Variants in SRGAP2 observed in about 807,000 individuals in gnomAD.
SRGAP2 encodes SLIT-ROBO Rho GTPase activating protein 2.
A neutral mutation model predicts 57.2 loss-of-function variants in SRGAP2; 15 were observed. The observed-to-expected ratio is 0.26, with a 90% CI of 0.18 to 0.40. The LOEUF is 0.40. SRGAP2 is among the 10% of genes least tolerant of loss of function. The pLI, the probability that SRGAP2 is intolerant of heterozygous loss-of-function variation, is 1.00. For synonymous variants in SRGAP2, 249 were observed against 248.0 expected, an observed-to-expected ratio of 1.00 and a Z score of -0.04; for missense variants, 520 against 669.6, an observed-to-expected ratio of 0.78 and a Z score of 2.47.
chr1:206,267,099 G>C (rs1571721183), intron 2 of SRGAP2, among the ~76,000 whole-genome samples: 1 of 151,104 alleles, frequency 6.6e-6, no homozygotes, highest in East Asian at 2.0e-4. Flanking sequence ...CTCCCAAGTA[G>C]CTGGGACTAC....
At chr1:206,353,874 A>C (rs1454619435) in intron 4 of SRGAP2, among the ~76,000 whole-genome samples, 1 of 141,598 alleles carries the variant, frequency 7.1e-6, no homozygotes, top group Non-Finnish European at 1.5e-5. Flanking sequence ...ATCATAGCTC[A>C]CCGTACCCTC....
chr1:206,220,719 C>T (rs1666930775), intron 2 of SRGAP2, among the ~76,000 whole-genome samples: 1 of 152,138 alleles, frequency 6.6e-6, no homozygotes, highest in Non-Finnish European at 1.5e-5. Flanking sequence ...GCTGCTGTGG[C>T]CACACCCTCT....
At chr1:206,263,518 A>G (rs1321807995) in intron 2 of SRGAP2, among the ~76,000 whole-genome samples, 4 of 152,282 alleles carry the variant, frequency 2.6e-5, no homozygotes, top group South Asian at 4.2e-4. Context: ...ACAATGATGG[A>G]CAGATTGCCC....
intron 2 of SRGAP2, among the ~76,000 whole-genome samples, chr1:206,279,634 G>A (rs1670617370): frequency 1.4e-5 from 2 of 139,872 alleles, no homozygotes; most frequent in African/African-American, 5.6e-5. Context: ...GCCCAGGCTG[G>A]TCTCGAACCC....
chr1:206,414,758 CT>C (rs1428862100), intron 10 of SRGAP2, among the ~76,000 whole-genome samples: 1 of 152,208 alleles, frequency 6.6e-6, no homozygotes, highest in Non-Finnish European at 1.5e-5. Context: ...CTCCCCTCCC[CT>C]GAGATAATCT....
chr1:206,412,666 A>T lies in SRGAP2; in HGVS notation c.1357-3223A>T, dbSNP rs184952928. Among the ~76,000 whole-genome samples the T allele has an allele frequency of 1.7e-3, 261 of 152,330 alleles. 1 individual carries two copies. Among genetic ancestry groups the T allele is most frequent in the African/African-American group, 5.8e-3 (240 of 41,562 alleles). The stretch of plus-strand genomic sequence containing the variant: ...CCCGTGATCTCCAGAAGTCATTAAA[A>T]GCCACCTATTCTTCCCTTGCATTCT... On this transcript the variant is annotated intron_variant, in intron 10 of 22. Transcript: ENST00000573034.
At chr1:206,460,226 T>C (rs1470021342) in intron 22 of SRGAP2, among the ~76,000 whole-genome samples, 3 of 151,966 alleles carry the variant, frequency 2.0e-5, no homozygotes, top group Admixed American at 6.6e-5. Flanking sequence ...CAGACACAGG[T>C]TTATGGGGAG....
chr1:206,429,580 A>T (rs1406672543), intron 13 of SRGAP2, among the ~76,000 whole-genome samples: 1 of 152,252 alleles, frequency 6.6e-6, no homozygotes, highest in African/African-American at 2.4e-5. Context: ...CAGAACAGAA[A>T]CGTGGCCAGC....
chr1:206,451,115 T>TAAAAAA (rs67862340), intron 19 of SRGAP2, among the ~76,000 whole-genome samples: 3 of 69,248 alleles, frequency 4.3e-5, no homozygotes, highest in African/African-American at 1.2e-4. Flanking sequence ...AGACCCTGTC[T>TAAAAAA]AAAAAAAAAA....
chr1:206,322,575 A>T (rs1348903683), intron 3 of SRGAP2, among the ~76,000 whole-genome samples: 7 of 124,446 alleles, frequency 5.6e-5, no homozygotes, highest in African/African-American at 2.1e-4. Context: ...CCGAGACTCC[A>T]TATCAAAAAA....
intron 14 of SRGAP2, among the ~76,000 whole-genome samples, chr1:206,431,915 A>G (rs1289258941): frequency 6.6e-6 from 1 of 152,254 alleles, no homozygotes; most frequent in African/African-American, 2.4e-5. Context: ...TCCTTGCCAT[A>G]TGCAGGAAGC....
intron 13 of SRGAP2, among the ~76,000 whole-genome samples, chr1:206,424,623 C>T (rs1246038609): frequency 6.6e-6 from 1 of 152,176 alleles, no homozygotes; most frequent in African/African-American, 2.4e-5. Flanking sequence ...CCATTGTACT[C>T]CAGCCTGGGT....
intron 4 of SRGAP2, among the ~76,000 whole-genome samples, chr1:206,359,796 C>CCCTTTTTTTTTTTTT (rs1558345475): frequency 9.6e-6 from 1 of 103,682 alleles, no homozygotes; most frequent in African/African-American, 4.7e-5. Context: ...AGGGATATTG[C>CCCTTTTTTTTTTTTT]TCTTTTTTTT....
intron 2 of SRGAP2, among the ~76,000 whole-genome samples, chr1:206,273,334 T>G (rs1272706283): frequency 6.9e-6 from 1 of 145,768 alleles, no homozygotes; most frequent in Non-Finnish European, 1.5e-5. Context: ...TGTACCAGAC[T>G]GTCCAGGAGT....
At chr1:206,443,127 C>T (rs1036566392) in intron 17 of SRGAP2, among the ~76,000 whole-genome samples, 5 of 152,156 alleles carry the variant, frequency 3.3e-5, no homozygotes, top group South Asian at 4.1e-4. Context: ...CCAATCCTGG[C>T]GCCCCAAAAA....
At chr1:206,216,572 G>A (rs1212103999) in intron 2 of SRGAP2, among the ~76,000 whole-genome samples, 1 of 151,498 alleles carries the variant, frequency 6.6e-6, no homozygotes, top group Non-Finnish European at 1.5e-5. Flanking sequence ...TTTGGTAAAT[G>A]GGGAAGGAGA....
chr1:206,390,994 C>T (rs1447615123), intron 5 of SRGAP2, among the ~76,000 whole-genome samples: 1 of 152,048 alleles, frequency 6.6e-6, no homozygotes, highest in Non-Finnish European at 1.5e-5. Flanking sequence ...ATTAGTATAC[C>T]CACAAAGTCT....
intron 10 of SRGAP2, among the ~76,000 whole-genome samples, chr1:206,411,082 A>G (rs12089926): frequency 0.094 from 14,368 of 152,172 alleles, 1,453 homozygotes; most frequent in African/African-American, 0.25. Flanking sequence ...GGCTGGTCTC[A>G]AACTCCTGAC....
At chr1:206,418,379 C>A (rs185708641) in intron 11 of SRGAP2, among the ~76,000 whole-genome samples, 7 of 152,344 alleles carry the variant, frequency 4.6e-5, no homozygotes, top group African/African-American at 1.4e-4. Context: ...CAATTACCAA[C>A]CTTTAAAGGC....
Sources: allele counts gnomAD v4.1 joint callset (sites outside exome capture counted in the v4.1 genomes callset), GRCh38; gene constraint gnomAD v4.1.1; transcripts MANE v1.5; gene names NCBI Gene and HGNC (gene_info 2026-07-23, HGNC 2026-07-21).